The following RAD51B variants were observed in gnomAD, a reference collection of about 807,000 sequenced individuals.
RAD51B encodes DNA repair protein RAD51 homolog 2.
Under a neutral mutation model 42.2 loss-of-function variants are expected in RAD51B, and 38 were observed. The observed-to-expected ratio is 0.90, with a 90% confidence interval of 0.70 to 1.18. The LOEUF (loss-of-function observed/expected upper bound fraction) is 1.18. RAD51B is among the 50% of genes most tolerant of loss of function. RAD51B has a pLI of 0.00. For missense variants in RAD51B, 373 were observed against 400.7 expected (o/e 0.93, Z 0.59); for synonymous variants, 154 against 145.2 (o/e 1.06, Z -0.43).
chr14:68,663,437 G>T (rs1892974588), intron 11 of RAD51B, among the ~76,000 whole-genome samples: 1 of 152,172 alleles, frequency 6.6e-6, no homozygotes, highest in Non-Finnish European at 1.5e-5. Flanking sequence ...TAAGGCCATA[G>T]CCCCTGATGA....
intron 7 of RAD51B, among the ~76,000 whole-genome samples, chr14:68,020,662 G>A (rs2075849054): frequency 6.6e-6 from 1 of 152,024 alleles, no homozygotes; most frequent in African/African-American, 2.4e-5. Context: ...ATGATGAAAA[G>A]GTTCTGAGAT....
At chr14:68,040,044 G>A (rs1302786682) in intron 7 of RAD51B, among the ~76,000 whole-genome samples, 1 of 152,200 alleles carries the variant, frequency 6.6e-6, no homozygotes, top group Non-Finnish European at 1.5e-5. Context: ...GGGGAAAATG[G>A]CTGTATTCAA....
chr14:68,099,961 CA>C (rs1037986730), intron 7 of RAD51B, among the ~76,000 whole-genome samples: 1 of 152,066 alleles, frequency 6.6e-6, no homozygotes, highest in Non-Finnish European at 1.5e-5. Flanking sequence ...TGAGGAGAAT[CA>C]AAGATAAATA....
intron 10 of RAD51B, among the ~76,000 whole-genome samples, chr14:68,526,633 G>A (rs1038680508): frequency 3.9e-5 from 6 of 152,198 alleles, no homozygotes; most frequent in Admixed American, 3.9e-4. Context: ...CAAGTATAGT[G>A]GGGAGAGGGC....
At chr14:68,501,705 C>T (rs960178710) in intron 10 of RAD51B, among the ~76,000 whole-genome samples, 1 of 152,268 alleles carries the variant, frequency 6.6e-6, no homozygotes, top group African/African-American at 2.4e-5. Flanking sequence ...AGGAACTGCC[C>T]AAGCTCAGCT....
intron 10 of RAD51B, among the ~76,000 whole-genome samples, chr14:68,529,149 A>G (rs1453667200): frequency 6.6e-6 from 1 of 152,224 alleles, no homozygotes; most frequent in Admixed American, 6.5e-5. Flanking sequence ...GCAGTGGATT[A>G]CTGGGGTTAG....
At chr14:68,063,261 A>G (rs904405928) in intron 7 of RAD51B, among the ~76,000 whole-genome samples, 2 of 152,098 alleles carry the variant, frequency 1.3e-5, no homozygotes, top group Non-Finnish European at 2.9e-5. Context: ...TCTTTCTAAT[A>G]TGATTTACAT....
chr14:68,056,053 C>T (rs1316658415), intron 7 of RAD51B, among the ~76,000 whole-genome samples: 1 of 152,102 alleles, frequency 6.6e-6, no homozygotes. Flanking sequence ...AGATATAATC[C>T]TTTTGCACAG....
intron 7 of RAD51B, among the ~76,000 whole-genome samples, chr14:68,186,237 T>G (rs2079155949): frequency 6.6e-6 from 1 of 152,212 alleles, no homozygotes; most frequent in Non-Finnish European, 1.5e-5. Context: ...GATTTAAATG[T>G]AAGACCTTGA....
intron 7 of RAD51B, among the ~76,000 whole-genome samples, chr14:68,148,931 A>G (rs1428420327): frequency 1.3e-5 from 2 of 152,198 alleles, no homozygotes; most frequent in Non-Finnish European, 2.9e-5. Flanking sequence ...TGAGTTTTCA[A>G]TTTACAAAGA....
rs924732298 is a variant in RAD51B at position 68,562,165 on chromosome 14, G to A, written c.1037-32320G>A. The A allele has an allele frequency of 7.1e-6, 7 of 985,292 alleles. No individual in the cohort carries two copies. In the Admixed American group the frequency reaches 1.8e-4, roughly 26 times the overall value. The allele number at this position is 985,292 out of a possible 1,614,324, so 61.0% of individuals were successfully genotyped here. A position where few individuals can be genotyped will look rare whatever the true frequency, so the allele number is the denominator to read the frequency against. On this transcript the variant is annotated intron_variant, in intron 10 of 10. Coordinates refer to the RAD51B transcript ENST00000487270. ...GAAATGCCAGTTCTGAAGAGGCAACGCTTACAACGCATCAAATTTTCTCTC... is the reference window on the plus strand; with the variant it reads ...GAAATGCCAGTTCTGAAGAGGCAACACTTACAACGCATCAAATTTTCTCTC...
At chr14:68,059,213 T>G (rs1350193697) in intron 7 of RAD51B, among the ~76,000 whole-genome samples, 1 of 152,194 alleles carries the variant, frequency 6.6e-6, no homozygotes, top group Non-Finnish European at 1.5e-5. Flanking sequence ...CTGGCCTACT[T>G]ATAACATCTT....
intron 7 of RAD51B, among the ~76,000 whole-genome samples, chr14:67,989,425 T>C (rs2075250453): frequency 6.6e-6 from 1 of 151,324 alleles, no homozygotes; most frequent in Admixed American, 6.6e-5. Context: ...TCACCTGAGG[T>C]CGGGAGTTCA....
intron 7 of RAD51B, among the ~76,000 whole-genome samples, chr14:67,941,018 C>G (rs1160702387): frequency 2.0e-5 from 3 of 152,112 alleles, no homozygotes; most frequent in Non-Finnish European, 4.4e-5. Flanking sequence ...CTAAACTGTG[C>G]ACATGATGCA....
chr14:68,632,376 G>A (rs1892248415), intron 10 of RAD51B, among the ~76,000 whole-genome samples: 1 of 152,172 alleles, frequency 6.6e-6, no homozygotes, highest in African/African-American at 2.4e-5. Context: ...AGGGAGAGCG[G>A]CCAAGTGAGC....
intron 7 of RAD51B, among the ~76,000 whole-genome samples, chr14:68,011,737 G>T (rs1322533250): frequency 2.0e-5 from 3 of 151,958 alleles, no homozygotes; most frequent in African/African-American, 7.2e-5. Context: ...ATATGTTCAG[G>T]AATACAGCGG....
chr14:68,104,989 GC>G (rs1304293467), intron 7 of RAD51B, among the ~76,000 whole-genome samples: 2 of 152,046 alleles, frequency 1.3e-5, no homozygotes, highest in Non-Finnish European at 2.9e-5. Flanking sequence ...TGTTAAGTCT[GC>G]CCAGGCAGAA....
chr14:68,663,173 G>C (rs570522728), intron 11 of RAD51B, among the ~76,000 whole-genome samples: 4 of 152,188 alleles, frequency 2.6e-5, no homozygotes, highest in Non-Finnish European at 5.9e-5. Flanking sequence ...GTGGTGGTGC[G>C]CACCTATAAT....
chr14:67,835,860 AAAAG>A (rs1337802139), intron 4 of RAD51B, among the ~76,000 whole-genome samples: 1 of 152,114 alleles, frequency 6.6e-6, no homozygotes, highest in African/African-American at 2.4e-5. Context: ...TGTCTCAAAA[AAAAG>A]AAAGTGGTAA....
Sources: gnomAD v4.1 joint callset for allele counts (sites outside exome capture counted in the v4.1 genomes callset) on GRCh38, gnomAD v4.1.1 for gene constraint, MANE v1.5 for transcripts, NCBI Gene and HGNC (gene_info 2026-07-23, HGNC 2026-07-21) for gene names.